Variants in DNMBP observed in about 807,000 individuals in gnomAD.
The protein encoded by DNMBP is dynamin-binding protein.
A neutral mutation model predicts 150.0 loss-of-function variants in DNMBP; 87 were observed. The ratio of observed to expected loss-of-function variants is 0.58; its 90% CI spans 0.49 to 0.69. DNMBP has a LOEUF of 0.69. Among genes scored for constraint, DNMBP ranks in the 30% least tolerant of loss-of-function variants. The pLI is 0.00. For missense variants in DNMBP, 1,774 were observed against 1,949.0 expected, an observed-to-expected ratio of 0.91 and a Z score of 1.69; for synonymous variants, 711 against 750.4, an observed-to-expected ratio of 0.95 and a Z score of 0.86.
At chr10:99,950,599 G>T (rs1229232056) in intron 4 of DNMBP, among the ~76,000 whole-genome samples, 6 of 152,208 alleles carry the variant, frequency 3.9e-5, no homozygotes, top group Non-Finnish European at 5.9e-5. Flanking sequence ...TGAGGAACTT[G>T]TTGGGAACTG....
chr10:99,955,509 C>T lies in DNMBP; in HGVS notation c.1965G>A (p.Thr655=), dbSNP rs752061434. The change falls in exon 4 of 17, where the codon ACG becomes ACA. Residue 655 remains threonine, a synonymous_variant. Coordinates refer to ENST00000324109, the MANE Select transcript of DNMBP (RefSeq NM_015221.4). The part of the protein sequence containing the change: ...APLPPSAQQR[T]NAVSPKLLSR... Reference sequence around the variant, plus strand: ...ATAGGAGCTTGGGGGATACCGCATTCGTTCTCTGCTGTGCTGAGGGAGGCA... The same window carrying T: ...ATAGGAGCTTGGGGGATACCGCATTTGTTCTCTGCTGTGCTGAGGGAGGCA... 1.9e-5 allele frequency: 30 copies of T among 1,597,534 alleles called. No homozygotes were observed. Among genetic ancestry groups the T allele is most frequent in the South Asian group, 1.0e-4 (9 of 88,688 alleles).
chr10:99,988,488 T>C (rs2040851628), intron 1 of DNMBP, among the ~76,000 whole-genome samples: 1 of 152,134 alleles, frequency 6.6e-6, no homozygotes, highest in African/African-American at 2.4e-5. Flanking sequence ...AAAATGAGAT[T>C]AGATAAGTAA....
rs1466543729 is a variant in DNMBP at position 99,892,249 on chromosome 10, G to C, written c.3156+2697C>G. ...CCTCTGCCCGGCCACCACCCCGTCTGGGAGGTGTGCCCAACAGCTCATTGA... is the reference window on the plus strand; with the variant it reads ...CCTCTGCCCGGCCACCACCCCGTCTCGGAGGTGTGCCCAACAGCTCATTGA... On this transcript the variant is annotated intron_variant, in intron 11 of 16. Transcript: ENST00000324109. Among the ~76,000 whole-genome samples, 47 of 150,506 alleles carry C rather than the reference G, an allele frequency of 3.1e-4. 1 individual carries two copies. Among genetic ancestry groups the C allele is most frequent in the South Asian group, 1.3e-3 (6 of 4,640 alleles).
intron 16 of DNMBP, among the ~76,000 whole-genome samples, chr10:99,878,461 A>C (rs1229282688): frequency 6.6e-6 from 1 of 152,154 alleles, no homozygotes; most frequent in African/African-American, 2.4e-5. Flanking sequence ...TGTCTATAAT[A>C]ACTGTCTGCT....
Position 99,879,084 on chromosome 10 carries a change from C to CAAAAAAAAAAAAAAAAAAAAAA in DNMBP, c.4548+726_4548+727insTTTTTTTTTTTTTTTTTTTTTT, listed in dbSNP as rs71009780. ...TGGGCGACAGAGCAAGACTCTGTCT[C>CAAAAAAAAAAAAAAAAAAAAAA]AAAAAAAAAAAAAAAAACCCAAAAC... On this transcript the variant is annotated intron_variant, in intron 16 of 16. Coordinates refer to ENST00000324109, the MANE Select transcript of DNMBP (RefSeq NM_015221.4). 2.0e-3 allele frequency among the ~76,000 whole-genome samples: 123 copies of CAAAAAAAAAAAAAAAAAAAAAA among 62,344 alleles called. 4 individuals carry two copies. Among genetic ancestry groups the CAAAAAAAAAAAAAAAAAAAAAA allele is most frequent in the Non-Finnish European group, 2.7e-3 (98 of 35,858 alleles). 40.9% of individuals were successfully genotyped at this position (62,344 alleles called of 152,430 possible). A position where few individuals can be genotyped will look rare whatever the true frequency, so the allele number is the denominator to read the frequency against.
At chr10:99,935,087 CAAAAAAAAAAAAAAAAAA>C (rs71009790) in intron 4 of DNMBP, among the ~76,000 whole-genome samples, 1 of 48,540 alleles carries the variant, frequency 2.1e-5, no homozygotes, top group Non-Finnish European at 3.9e-5. Flanking sequence ...CCTGTCTCCA[CAAAAAAAAAAAAAAAAAA>C]AAAAAAAAGA....
chr10:99,966,960 ATTT>A (rs769272006), intron 3 of DNMBP, among the ~76,000 whole-genome samples: 2 of 136,846 alleles, frequency 1.5e-5, no homozygotes. Flanking sequence ...GGCTAATTTA[ATTT>A]TTTTTTTTTT....
At chr10:99,913,994 G>C in intron 4 of DNMBP, 1 of 1,501,466 alleles carries the variant, frequency 6.7e-7, no homozygotes, top group Non-Finnish European at 8.9e-7. Flanking sequence ...GTGTGGGCCT[G>C]AGGGTAAGCA....
chr10:99,886,636 T>C lies in DNMBP; in HGVS notation c.3286-4A>G. ...CAAGCCGCTCTGTCCTCTCCTTCTG[T>C]AGGGACGAGAAAGGCACATTGCTCA... On this transcript the variant is annotated splice_polypyrimidine_tract_variant and splice_region_variant and intron_variant, in intron 12 of 16. Transcript: ENST00000324109. 6.2e-7 allele frequency: 1 copy of C among 1,608,446 alleles called. No individual in the cohort carries two copies. The highest frequency in any genetic ancestry group is 2.2e-5 in the East Asian group (1 of 44,780).
intron 3 of DNMBP, 80 bp from the exon 4 acceptor site, chr10:99,957,285 A>T: frequency 8.0e-7 from 1 of 1,248,960 alleles, no homozygotes. Context: ...GCAACCTCTC[A>T]TTTTAAACAG....
intron 1 of DNMBP, among the ~76,000 whole-genome samples, chr10:100,001,270 A>G (rs2041008440): frequency 1.5e-5 from 2 of 136,004 alleles, no homozygotes; most frequent in Admixed American, 7.7e-5. Flanking sequence ...AAAAAAAAAA[A>G]AAGGATAGAG....
In DNMBP at chr10:99,880,100, G is replaced by A; in HGVS notation, c.4259C>T (p.Ala1420Val). The stretch of plus-strand genomic sequence containing the variant: ...CTCTGAATTACTCGGATTTAGGGAT[G>A]CACTGAGAGTTCCTTGGTCACATTC... Reference protein sequence around the residue: ...PKECDQGTLSASLNPSNSESS... With the variant: ...PKECDQGTLSVSLNPSNSESS... The change falls in exon 16 of 17, where the codon GCA becomes GTA. Residue 1420 changes from alanine (A) to valine (V), a missense_variant. Transcript: ENST00000324109. 4 of 1,614,208 alleles carry A rather than the reference G, an allele frequency of 2.5e-6. No individual in the cohort carries two copies. Among genetic ancestry groups the A allele is most frequent in the Non-Finnish European group, 3.4e-6 (4 of 1,180,018 alleles).
chr10:99,985,041 C>A (rs1170899392), intron 1 of DNMBP, among the ~76,000 whole-genome samples: 1 of 152,070 alleles, frequency 6.6e-6, no homozygotes. Flanking sequence ...CTGTGCCTGG[C>A]CTCAACCTAT....
chr10:99,886,166 C>A, intron 13 of DNMBP, 134 bp downstream of exon 13: 3 of 784,246 alleles, frequency 3.8e-6, no homozygotes, highest in Middle Eastern at 6.0e-4. Context: ...ATTAAGATTT[C>A]CTGAGGGATG....
intron 1 of DNMBP, among the ~76,000 whole-genome samples, chr10:100,007,457 C>A (rs953356616): frequency 6.6e-6 from 1 of 152,148 alleles, no homozygotes; most frequent in Non-Finnish European, 1.5e-5. Flanking sequence ...CAGGTGCCCA[C>A]CCTCTCAGCA....
At chr10:99,921,961 A>G (rs1258500929) in intron 4 of DNMBP, among the ~76,000 whole-genome samples, 1 of 151,612 alleles carries the variant, frequency 6.6e-6, no homozygotes. Context: ...TTTGGATTCA[A>G]TGAAATGCAA....
Position 99,956,053 on chromosome 10 carries a change from G to A in DNMBP, c.1421C>T (p.Pro474Leu), listed in dbSNP as rs997666120. ...MYSQLKTLQK[P>L]VLPLYRGSSV... ...AGAGCCCCTGTAAAGAGGGAGCACTGGCTTCTGAAGAGTTTTTAGCTGGGA... is the reference window on the plus strand; with the variant it reads ...AGAGCCCCTGTAAAGAGGGAGCACTAGCTTCTGAAGAGTTTTTAGCTGGGA... The change falls in exon 4 of 17, where the codon CCA becomes CTA. Residue 474 changes from proline to leucine, a missense_variant. This residue lies in a region of DNMBP where 1,430 missense variants were observed against 1,492.5 expected (regional missense o/e 0.96). Coordinates refer to ENST00000324109, the MANE Select transcript of DNMBP (RefSeq NM_015221.4). The A allele has an allele frequency of 1.2e-6, 2 of 1,614,094 alleles. No homozygotes were observed. Among genetic ancestry groups the A allele is most frequent in the African/African-American group, 2.7e-5 (2 of 74,936 alleles).
chr10:99,979,227 C>T (rs915226541), intron 1 of DNMBP, among the ~76,000 whole-genome samples: 2 of 152,150 alleles, frequency 1.3e-5, no homozygotes, highest in Non-Finnish European at 2.9e-5. Flanking sequence ...CTGTTGGTGG[C>T]GGACAGTAGC....
At position 99,876,074 on chromosome 10, in the gene DNMBP, A is replaced by G. The variant is rs141158214; in HGVS notation, c.*1077T>C. Reference sequence around the variant, plus strand: ...GTTGTCTGCATCTATGGATGTAACTAAACAGTCATTAGGGTGCTTGGATGA... The same window carrying G: ...GTTGTCTGCATCTATGGATGTAACTGAACAGTCATTAGGGTGCTTGGATGA... On this transcript the variant is annotated 3_prime_UTR_variant, in exon 17 of 17. Transcript: ENST00000324109. 2.9e-4 allele frequency: 44 copies of G among 152,340 alleles called. 1 individual carries two copies. The East Asian group carries it at 8.3e-3, about 29-fold the overall frequency. 9.4% of individuals were successfully genotyped at this position (152,340 alleles called of 1,614,324 possible). A position where few individuals can be genotyped will look rare whatever the true frequency, so the allele number is the denominator to read the frequency against.
Sources: gnomAD v4.1 joint callset for allele counts (sites outside exome capture counted in the v4.1 genomes callset) on GRCh38, gnomAD v4.1.1 for gene constraint, gnomAD v4.1.1 regional missense constraint, MANE v1.5 for transcripts, NCBI Gene and HGNC (gene_info 2026-07-23, HGNC 2026-07-21) for gene names.